CLYBL: variants seen among roughly 807,000 people sequenced by gnomAD.
The protein encoded by CLYBL is citramalyl-CoA lyase.
Under a neutral mutation model 38.9 loss-of-function variants are expected in CLYBL, and 31 were observed. The ratio of observed to expected loss-of-function variants is 0.80; its 90% confidence interval spans 0.60 to 1.08. The LOEUF is 1.08. Ranked by LOEUF, CLYBL falls within the 50% of genes least tolerant of loss-of-function variation. CLYBL has a pLI of 0.00. For synonymous variants in CLYBL, 171 were observed against 158.6 expected (o/e 1.08, Z -0.59); for missense variants, 434 against 411.6 (o/e 1.05, Z -0.47).
At chr13:99,897,949 G>A (rs7994827), downstream of CLYBL, among the ~76,000 whole-genome samples, 26 of 110,102 alleles carry the variant, frequency 2.4e-4, no homozygotes, top group African/African-American at 7.7e-4. Flanking sequence ...TCAAAAAAAA[G>A]AAAGAAAGAA....
At chr13:99,727,380 C>T (rs2048495996) in intron 1 of CLYBL, 1 of 152,032 alleles carries the variant, frequency 6.6e-6, no homozygotes, top group Non-Finnish European at 1.5e-5. Flanking sequence ...CCTGCCTCCA[C>T]CTCTTTTCTA....
chr13:99,667,553 T>A (rs1292606795), intron 1 of CLYBL, among the ~76,000 whole-genome samples: 8 of 151,890 alleles, frequency 5.3e-5, no homozygotes, highest in Admixed American at 2.0e-4. Context: ...AGAGAGGGAA[T>A]GTGTCAACTG....
chr13:99,732,800 A>G (rs2048612904), intron 1 of CLYBL, among the ~76,000 whole-genome samples: 1 of 152,188 alleles, frequency 6.6e-6, no homozygotes, highest in Non-Finnish European at 1.5e-5. Context: ...ATAACTTTAC[A>G]CTTGACCCAA....
At chr13:99,637,758 AAAT>A (rs946718683) in intron 1 of CLYBL, among the ~76,000 whole-genome samples, 3 of 152,220 alleles carry the variant, frequency 2.0e-5, no homozygotes, top group East Asian at 3.9e-4. Flanking sequence ...ACTTCATCTC[AAAT>A]AATAATAATA....
chr13:99,635,631 T>C (rs974886117), intron 1 of CLYBL, among the ~76,000 whole-genome samples: 5 of 152,202 alleles, frequency 3.3e-5, no homozygotes, highest in Non-Finnish European at 7.3e-5. Context: ...CCTAGCATGC[T>C]GAACTGAGTG....
intron 1 of CLYBL, among the ~76,000 whole-genome samples, chr13:99,613,601 G>T (rs2046662825): frequency 6.6e-6 from 1 of 152,172 alleles, no homozygotes; most frequent in African/African-American, 2.4e-5. Flanking sequence ...GGTGGGAGAA[G>T]AGGGAGCGAT....
downstream of CLYBL, among the ~76,000 whole-genome samples, chr13:99,901,427 C>T (rs9517911): frequency 0.48 from 72,514 of 151,832 alleles, 18,847 homozygotes; most frequent in Non-Finnish European, 0.59. Flanking sequence ...GCTTGCAGGA[C>T]ATTCCGCAAT....
At chr13:99,635,181 C>G (rs929340585) in intron 1 of CLYBL, among the ~76,000 whole-genome samples, 3 of 151,984 alleles carry the variant, frequency 2.0e-5, no homozygotes, top group African/African-American at 7.2e-5. Context: ...GTTAATGACC[C>G]CAGGTACGTT....
intron 1 of CLYBL, among the ~76,000 whole-genome samples, chr13:99,718,805 A>G (rs1277340354): frequency 6.6e-6 from 1 of 152,096 alleles, no homozygotes; most frequent in Non-Finnish European, 1.5e-5. Flanking sequence ...CTTGTTTGAT[A>G]TTAATTAATT....
At chr13:99,806,336 T>C (rs887351328) in intron 2 of CLYBL, among the ~76,000 whole-genome samples, 1 of 152,258 alleles carries the variant, frequency 6.6e-6, no homozygotes, top group African/African-American at 2.4e-5. Flanking sequence ...TTAGTATATA[T>C]ATAAGTATAC....
intron 2 of CLYBL, among the ~76,000 whole-genome samples, chr13:99,836,370 C>A (rs1456170067): frequency 1.3e-5 from 2 of 152,194 alleles, no homozygotes. Context: ...TCAGTTCCAG[C>A]ACACAGAGTG....
At chr13:99,701,977 AC>A (rs768403146) in intron 1 of CLYBL, among the ~76,000 whole-genome samples, 12 of 151,896 alleles carry the variant, frequency 7.9e-5, no homozygotes, top group Non-Finnish European at 1.0e-4. Context: ...GTGAAGTGAT[AC>A]CCCCTCTCCC....
intron 2 of CLYBL, among the ~76,000 whole-genome samples, chr13:99,795,141 A>G (rs867170053): frequency 2.0e-5 from 3 of 152,174 alleles, no homozygotes; most frequent in Non-Finnish European, 4.4e-5. Context: ...CAAGTCAGGA[A>G]TTAACTCAAG....
intron 7 of CLYBL, among the ~76,000 whole-genome samples, chr13:99,886,693 A>G (rs1266066147): frequency 6.6e-6 from 1 of 152,268 alleles, no homozygotes; most frequent in African/African-American, 2.4e-5. Context: ...CCAATGTCGT[A>G]TCTGTGTGAG....
intron 1 of CLYBL, among the ~76,000 whole-genome samples, chr13:99,627,038 G>GA (rs761865896): frequency 1.3e-5 from 2 of 150,842 alleles, no homozygotes; most frequent in Non-Finnish European, 2.9e-5. Context: ...TGGTGCTTTT[G>GA]AATCTGAAAA....
At chr13:99,777,489 T>C (rs947854730) in intron 2 of CLYBL, among the ~76,000 whole-genome samples, 13 of 118,290 alleles carry the variant, frequency 1.1e-4, no homozygotes, top group African/African-American at 3.5e-4. Context: ...TCCTTTTCTT[T>C]TCTTTTCTTT....
At chr13:99,710,296 C>T (rs1412888252) in intron 1 of CLYBL, among the ~76,000 whole-genome samples, 1 of 152,172 alleles carries the variant, frequency 6.6e-6, no homozygotes, top group Admixed American at 6.6e-5. Context: ...GTTTCTCCAT[C>T]CTCTCCAGAG....
At chr13:99,851,629 G>C (rs2051334842) in intron 2 of CLYBL, among the ~76,000 whole-genome samples, 1 of 152,082 alleles carries the variant, frequency 6.6e-6, no homozygotes, top group East Asian at 1.9e-4. Flanking sequence ...ACTACAATGA[G>C]AGACCACTTG....
chr13:99,667,469 AT>A (rs1260042593), intron 1 of CLYBL, among the ~76,000 whole-genome samples: 1 of 144,406 alleles, frequency 6.9e-6, no homozygotes, highest in Non-Finnish European at 1.5e-5. Flanking sequence ...AAAATAAACA[AT>A]TGCTAGAAGA....
Sources: allele counts gnomAD v4.1 joint callset (sites outside exome capture counted in the v4.1 genomes callset), GRCh38; gene constraint gnomAD v4.1.1; transcripts MANE v1.5; gene names NCBI Gene and HGNC (gene_info 2026-07-23, HGNC 2026-07-21).